BLNK: variants seen among roughly 807,000 people sequenced by gnomAD.
BLNK encodes B-cell linker protein.
BLNK carries 29 observed loss-of-function variants against 73.5 expected under a neutral mutation model. The observed-to-expected ratio is 0.39, with a 90% CI of 0.29 to 0.54. The LOEUF is 0.54. Ranked by LOEUF, BLNK falls within the 20% of genes least tolerant of loss-of-function variation. The pLI, the probability that BLNK is intolerant of heterozygous loss-of-function variation, is 0.61. For synonymous variants in BLNK, 176 were observed against 200.8 expected, an observed-to-expected ratio of 0.88 and a Z score of 1.04; for missense variants, 460 against 562.8, an observed-to-expected ratio of 0.82 and a Z score of 1.85.
rs781983519 is a variant in BLNK, at chr10:96,207,830, T to G, written c.774+42A>C. Reference sequence around the variant, plus strand: ...TAAATAAATGGATAAGAATAAACACTGCAGGAAATATGAAGCACTTTTAAA... The same window carrying G: ...TAAATAAATGGATAAGAATAAACACGGCAGGAAATATGAAGCACTTTTAAA... On this transcript the variant is annotated intron_variant, in intron 10 of 16. Transcript: ENST00000224337. 25 of 1,609,212 alleles carry G rather than the reference T, an allele frequency of 1.6e-5. No homozygotes were observed. In the South Asian group the frequency reaches 2.5e-4, roughly 16 times the overall value.
At chr10:96,229,653 G>GATGTGTGTGT in intron 4 of BLNK, among the ~76,000 whole-genome samples, 1 of 48,072 alleles carries the variant, frequency 2.1e-5, no homozygotes, top group African/African-American at 7.8e-5. Context: ...TTTACATGTG[G>GATGTGTGTGT]CTGTGTGTGT....
chr10:96,211,525 G>A (rs1375267085), intron 8 of BLNK, among the ~76,000 whole-genome samples: 1 of 152,164 alleles, frequency 6.6e-6, no homozygotes, highest in Non-Finnish European at 1.5e-5. Context: ...CTGGAGAGAG[G>A]CTCCCAGGCT....
intron 16 of BLNK, 39 bp downstream of exon 16, chr10:96,196,869 G>A (rs781853086): frequency 3.2e-6 from 5 of 1,586,050 alleles, no homozygotes; most frequent in Middle Eastern, 1.7e-4. Context: ...TATACTCAAT[G>A]CATAGTTATA....
At position 96,201,001 on chromosome 10, in the gene BLNK, T is replaced by G; in HGVS notation, c.992A>C (p.Asn331Thr). The G allele has an allele frequency of 6.2e-7, 1 of 1,614,120 alleles. No homozygotes were observed. Among genetic ancestry groups the G allele is most frequent in the Non-Finnish European group, 8.5e-7 (1 of 1,179,962 alleles). ...TCATACCTGTTCTGAAATAGTGGAA[T>G]TAGATGAAAAGCTGGGTAGGGGCCC... is the stretch of plus-strand genomic sequence containing the variant. ...VDGPLPSFSS[N>T]STISEQEAGV... The change falls in exon 14 of 17, where the codon AAT (asparagine) becomes ACT (threonine). Residue 331 changes from asparagine to threonine, a missense_variant. Coordinates refer to ENST00000224337, the MANE Select transcript of BLNK (RefSeq NM_013314.4).
intron 3 of BLNK, among the ~76,000 whole-genome samples, chr10:96,242,311 T>G (rs897376995): frequency 1.3e-5 from 2 of 152,236 alleles, no homozygotes; most frequent in African/African-American, 4.8e-5. Flanking sequence ...CCCCCAGCCA[T>G]GTGGAACTGT....
chr10:96,205,647 A>G (rs1278997010), intron 11 of BLNK, among the ~76,000 whole-genome samples: 9 of 152,240 alleles, frequency 5.9e-5, no homozygotes, highest in Non-Finnish European at 1.0e-4. Flanking sequence ...CTTTGACTAC[A>G]CCTGCTCTGC....
In BLNK at chr10:96,189,598, G is replaced by A; in HGVS notation, c.*2375C>T. On this transcript the variant is annotated 3_prime_UTR_variant, in exon 17 of 17. Coordinates refer to ENST00000224337, the MANE Select transcript of BLNK (RefSeq NM_013314.4). ...CCTTTTAATCTTGGTGTTGATGATG[G>A]GTTTGAGTGTTTTCTATTCTGATTT... 1 of 691,564 alleles carries A rather than the reference G, an allele frequency of 1.4e-6. No homozygotes were observed. The highest frequency in any genetic ancestry group is 2.7e-6 in the Non-Finnish European group (1 of 371,496). The allele number at this position is 691,564 out of a possible 1,614,324, so 42.8% of individuals were successfully genotyped here. A position where few individuals can be genotyped will look rare whatever the true frequency, so the allele number is the denominator to read the frequency against.
intron 1 of BLNK, among the ~76,000 whole-genome samples, chr10:96,247,732 C>T (rs1843108473): frequency 6.6e-6 from 1 of 152,180 alleles, no homozygotes; most frequent in Non-Finnish European, 1.5e-5. Flanking sequence ...CTCCTGTAAC[C>T]AATCAGACTG....
Position 96,207,878 on chromosome 10 carries a change from C to T in BLNK, c.768G>A (p.Leu256=), listed in dbSNP as rs781818273. 1 of 1,614,116 alleles carries T rather than the reference C, an allele frequency of 6.2e-7. No homozygotes were observed. Among genetic ancestry groups the T allele is most frequent in the South Asian group, 1.1e-5 (1 of 91,078 alleles). ...AAATGCAAAATTAACTTACTGTCTTCAGTGGTGTCGTTGGTTTTTTCCTGG... is the reference window on the plus strand; with the variant it reads ...AAATGCAAAATTAACTTACTGTCTTTAGTGGTGTCGTTGGTTTTTTCCTGG... The part of the protein sequence containing the change: ...PRAGKKPTTP[L]KTTPVASQQN... Residue 256 remains leucine, a synonymous_variant, in exon 10 of 17, where the codon CTG becomes CTA. Coordinates refer to ENST00000224337, the MANE Select transcript of BLNK (RefSeq NM_013314.4).
At chr10:96,237,083 C>T (rs1212680786) in intron 3 of BLNK, among the ~76,000 whole-genome samples, 1 of 152,158 alleles carries the variant, frequency 6.6e-6, no homozygotes, top group Non-Finnish European at 1.5e-5. Flanking sequence ...GCCCAAGTGT[C>T]ATTCCTCTAT....
rs587635658 is a variant in BLNK at position 96,191,020 on chromosome 10, C to T, written c.*953G>A. On this transcript the variant is annotated 3_prime_UTR_variant, in exon 17 of 17. Coordinates refer to ENST00000224337, the MANE Select transcript of BLNK (RefSeq NM_013314.4). ...TAATCCCCACGTGCCATGGGAGGGA[C>T]CTGGTGGGAGGTAACTGAATCACGC... 6.6e-6 allele frequency among the ~76,000 whole-genome samples: 1 copy of T among 152,078 alleles called. No homozygotes were observed. Among genetic ancestry groups the T allele is most frequent in the African/African-American group, 2.4e-5 (1 of 41,418 alleles).
At chr10:96,267,682 T>A (rs1263467745) in intron 1 of BLNK, among the ~76,000 whole-genome samples, 2 of 152,188 alleles carry the variant, frequency 1.3e-5, no homozygotes, top group African/African-American at 4.8e-5. Context: ...AGAAGGAATG[T>A]TTGTCACATC....
chr10:96,267,056 G>A (rs1217046591), intron 1 of BLNK, among the ~76,000 whole-genome samples: 3 of 152,204 alleles, frequency 2.0e-5, no homozygotes, highest in Non-Finnish European at 4.4e-5. Flanking sequence ...AGCCCTGTTG[G>A]GCCCCAATGG....
At chr10:96,197,264 CTGAG>C (rs2083490653) in intron 15 of BLNK, among the ~76,000 whole-genome samples, 1 of 151,898 alleles carries the variant, frequency 6.6e-6, no homozygotes, top group Non-Finnish European at 1.5e-5. Flanking sequence ...ATAGAAAATC[CTGAG>C]TGAGATCAAT....
In BLNK at chr10:96,200,000, T is replaced by C. The variant is rs773909625; in HGVS notation, c.1095+75A>G. 1.3e-3 allele frequency: 1,475 copies of C among 1,126,844 alleles called. 5 individuals carry two copies. The highest frequency in any genetic ancestry group is 1.6e-3 in the Non-Finnish European group (1,390 of 863,334). The allele number at this position is 1,126,844 out of a possible 1,614,324, so 69.8% of individuals were successfully genotyped here. A position where few individuals can be genotyped will look rare whatever the true frequency, so the allele number is the denominator to read the frequency against. On this transcript the variant is annotated intron_variant, in intron 15 of 16. Coordinates refer to ENST00000224337, the MANE Select transcript of BLNK (RefSeq NM_013314.4). Reference sequence around the variant, plus strand: ...CTGAGATCGAGCCACTGCACTCCAGTGAAACTGCATCATCTCAAAACAAAT... The same window carrying C: ...CTGAGATCGAGCCACTGCACTCCAGCGAAACTGCATCATCTCAAAACAAAT...
intron 6 of BLNK, among the ~76,000 whole-genome samples, chr10:96,220,849 C>T (rs2134013082): frequency 6.6e-6 from 1 of 152,288 alleles, no homozygotes; most frequent in East Asian, 1.9e-4. Context: ...TAATAAGACA[C>T]TTGTCATAAT....
chr10:96,264,073 G>A (rs963186108), intron 1 of BLNK, among the ~76,000 whole-genome samples: 2 of 152,138 alleles, frequency 1.3e-5, no homozygotes, highest in Admixed American at 1.3e-4. Context: ...TCCTAATAAT[G>A]TGCATGGTTC....
intron 1 of BLNK, among the ~76,000 whole-genome samples, chr10:96,255,031 G>T (rs1843451452): frequency 6.6e-6 from 1 of 152,312 alleles, no homozygotes; most frequent in East Asian, 1.9e-4. Flanking sequence ...GTGCAGCCAA[G>T]GTTAAGAACC....
At chr10:96,215,229 T>C in intron 8 of BLNK, 92 bp downstream of exon 8, 2 of 1,367,230 alleles carry the variant, frequency 1.5e-6, no homozygotes, top group South Asian at 2.3e-5. Flanking sequence ...TATTAAGACA[T>C]TTGGAAATAC....
Sources: allele counts gnomAD v4.1 joint callset (sites outside exome capture counted in the v4.1 genomes callset), GRCh38; gene constraint gnomAD v4.1.1; transcripts MANE v1.5; gene names NCBI Gene and HGNC (gene_info 2026-07-23, HGNC 2026-07-21).